MPHOSPH9: variants seen among roughly 807,000 people sequenced by gnomAD.
MPHOSPH9 encodes the protein M-phase phosphoprotein 9.
A neutral mutation model predicts 145.5 loss-of-function variants in MPHOSPH9; 88 were observed. The ratio of observed to expected loss-of-function variants is 0.60; its 90% CI spans 0.51 to 0.72. The LOEUF (loss-of-function observed/expected upper bound fraction) is 0.72. MPHOSPH9 is among the 30% of genes least tolerant of loss of function. The probability of loss-of-function intolerance (pLI) is 0.00; values close to 1 mark genes in which losing one functional copy is unlikely to be tolerated. For missense variants in MPHOSPH9, 1,238 were observed against 1,386.6 expected, an observed-to-expected ratio of 0.89 and a Z score of 1.70; for synonymous variants, 435 against 486.2, an observed-to-expected ratio of 0.89 and a Z score of 1.39.
At chr12:123,232,043 C>T (rs906198419) in intron 1 of MPHOSPH9, among the ~76,000 whole-genome samples, 1 of 150,984 alleles carries the variant, frequency 6.6e-6, no homozygotes, top group African/African-American at 2.4e-5. Context: ...GGTAACCGGA[C>T]CTAACTAAAT....
intron 3 of MPHOSPH9, 94 bp from the exon 4 acceptor site, chr12:123,223,221 C>A: frequency 1.4e-6 from 1 of 714,322 alleles, no homozygotes; most frequent in South Asian, 3.4e-5. Flanking sequence ...CTTTTTAGGT[C>A]ATGATCCATC....
chr12:123,166,716 G>A lies in MPHOSPH9; in HGVS notation c.2530C>T (p.Gln844Ter). 1 of 1,614,080 alleles carries A rather than the reference G, an allele frequency of 6.2e-7. No homozygotes were observed. The highest frequency in any genetic ancestry group is 8.5e-7 in the Non-Finnish European group (1 of 1,180,020). Reference sequence around the variant, plus strand: ...TTACTGTCCTGGGTGTCCAGAGGCTGGCCAGTAAAGATGGAATACTCTGCA... The same window carrying A: ...TTACTGTCCTGGGTGTCCAGAGGCTAGCCAGTAAAGATGGAATACTCTGCA... ...PGAEYSIFTG[Q>*]PLDTQDSNVD... is the part of the protein sequence containing the mutation. The change falls in exon 17 of 24, where the codon CAG (glutamine) becomes TAG (stop). Residue 844 changes from glutamine to a stop codon, truncating the protein, a stop_gained. Transcript: ENST00000606320. LOFTEE classifies it high-confidence loss of function.
In MPHOSPH9 at chr12:123,230,334, G is replaced by GT. The variant is rs2047592756; in HGVS notation, c.30dup (p.His11ThrfsTer10). 1 of 1,533,424 alleles carries GT rather than the reference G, an allele frequency of 6.5e-7. No individual in the cohort carries two copies. The highest frequency in any genetic ancestry group is 1.2e-5 in the South Asian group (1 of 83,912). 95.0% of individuals were successfully genotyped at this position (1,533,424 alleles called of 1,614,324 possible). A position where few individuals can be genotyped will look rare whatever the true frequency, so the allele number is the denominator to read the frequency against. On this transcript the variant is annotated frameshift_variant, in exon 2 of 24. Coordinates refer to ENST00000606320, the MANE Select transcript of MPHOSPH9 (RefSeq NM_022782.4). LOFTEE classifies it high-confidence loss of function. The stretch of plus-strand genomic sequence containing the variant: ...GATCCTACAGAAGATGAAGTTTTGT[G>GT]TAAGGTTTTCACCAAGTCAAACTCT...
In MPHOSPH9 at chr12:123,166,163, T is replaced by C. The variant is rs527618613; in HGVS notation, c.2591+492A>G. On this transcript the variant is annotated intron_variant, in intron 17 of 23. Coordinates refer to ENST00000606320, the MANE Select transcript of MPHOSPH9 (RefSeq NM_022782.4). ...CTCTGTCACCCAGGCTGGAGTGCAG[T>C]GGCACAATCATAGCTCACTGTAGCC... Among the ~76,000 whole-genome samples the C allele has an allele frequency of 3.5e-3, 540 of 152,262 alleles. 1 individual carries two copies. The highest frequency in any genetic ancestry group is 6.2e-3 in the Non-Finnish European group (424 of 68,004).
At chr12:123,169,982 CT>C (rs1251368308) in intron 16 of MPHOSPH9, among the ~76,000 whole-genome samples, 3,109 of 140,652 alleles carry the variant, frequency 0.022, 71 homozygotes, top group African/African-American at 0.066. Context: ...TTTTAAATGT[CT>C]TTTTTTTTTT....
intron 7 of MPHOSPH9, among the ~76,000 whole-genome samples, chr12:123,211,996 A>G (rs901695855): frequency 6.6e-6 from 1 of 152,146 alleles, no homozygotes; most frequent in African/African-American, 2.4e-5. Flanking sequence ...CGCCCAGCTG[A>G]CAATTTCTTT....
chr12:123,192,583 C>T (rs893116612), intron 13 of MPHOSPH9, among the ~76,000 whole-genome samples: 7 of 120,568 alleles, frequency 5.8e-5, no homozygotes, highest in African/African-American at 1.6e-4. Flanking sequence ...AAGCTGTGAT[C>T]GCACCACTGC....
chr12:123,236,361 A>G (rs1452919186), upstream of MPHOSPH9, among the ~76,000 whole-genome samples: 1 of 152,110 alleles, frequency 6.6e-6, no homozygotes, highest in Non-Finnish European at 1.5e-5. Context: ...TGGGAGGCTG[A>G]GGCAGGAGGA....
rs533949368 is a variant in MPHOSPH9, at chr12:123,188,796, C to T, written c.2241+5590G>A. Among the ~76,000 whole-genome samples the T allele has an allele frequency of 4.6e-5, 7 of 152,208 alleles. No homozygotes were observed. The East Asian group carries it at 1.4e-3, about 29-fold the overall frequency. Reference sequence around the variant, plus strand: ...CTGGGAGGCAGAGGTTGCAGTGAGCCGAGATAGCGCCACTGCACTCCTGCC... The same window carrying T: ...CTGGGAGGCAGAGGTTGCAGTGAGCTGAGATAGCGCCACTGCACTCCTGCC... On this transcript the variant is annotated intron_variant, in intron 13 of 23. Coordinates refer to ENST00000606320, the MANE Select transcript of MPHOSPH9 (RefSeq NM_022782.4).
chr12:123,162,943 A>G, intron 20 of MPHOSPH9, 71 bp downstream of exon 20: 1 of 1,398,032 alleles, frequency 7.2e-7, no homozygotes, highest in Non-Finnish European at 9.5e-7. Flanking sequence ...TGATAGCTAG[A>G]GACATAAGTC....
At chr12:123,179,655 A>G (rs548977180) in intron 15 of MPHOSPH9, among the ~76,000 whole-genome samples, 1 of 151,616 alleles carries the variant, frequency 6.6e-6, no homozygotes, top group East Asian at 1.9e-4. Context: ...CAAGGCAGGA[A>G]GACTGCTTGA....
At chr12:123,197,494 A>G (rs907089134) in intron 12 of MPHOSPH9, among the ~76,000 whole-genome samples, 11 of 152,040 alleles carry the variant, frequency 7.2e-5, no homozygotes, top group African/African-American at 2.7e-4. Flanking sequence ...TTAAAAGGGT[A>G]AAGTTTAGGC....
upstream of MPHOSPH9, among the ~76,000 whole-genome samples, chr12:123,235,051 G>A (rs1229607344): frequency 6.6e-6 from 1 of 152,204 alleles, no homozygotes; most frequent in African/African-American, 2.4e-5. Context: ...GAAATAATCA[G>A]TTCCCAGACT....
chr12:123,177,219 G>C (rs1229147653), intron 15 of MPHOSPH9, among the ~76,000 whole-genome samples: 1 of 151,478 alleles, frequency 6.6e-6, no homozygotes, highest in Non-Finnish European at 1.5e-5. Flanking sequence ...ATTTTTCATA[G>C]TAAAACATCA....
At chr12:123,165,531 GCCC>G in intron 17 of MPHOSPH9, 54 bp from the exon 18 acceptor site, 1 of 1,455,376 alleles carries the variant, frequency 6.9e-7, no homozygotes, top group Non-Finnish European at 9.5e-7. Context: ...TCTGTATCTT[GCCC>G]CCCGCCCCCA....
In MPHOSPH9 at chr12:123,154,290, C is replaced by T. The variant is rs2043821234; in HGVS notation, c.*2517G>A. 6.6e-6 allele frequency: 1 copy of T among 151,178 alleles called. No individual in the cohort carries two copies. The highest frequency in any genetic ancestry group is 2.1e-4 in the South Asian group (1 of 4,810). 9.4% of individuals were successfully genotyped at this position (151,178 alleles called of 1,614,324 possible). On this transcript the variant is annotated 3_prime_UTR_variant, in exon 24 of 24. Coordinates refer to ENST00000606320, the MANE Select transcript of MPHOSPH9 (RefSeq NM_022782.4). ...AAGCCAACAACAAAAATAGTTTATA[C>T]CCGGGGATAATAGCTGCTATTTAGA...
At chr12:123,234,395 G>T (rs1241890224), upstream of MPHOSPH9, among the ~76,000 whole-genome samples, 2 of 150,088 alleles carry the variant, frequency 1.3e-5, no homozygotes, top group Non-Finnish European at 3.0e-5. Context: ...TTTTATTTTT[G>T]TGGGGGAGGG....
At chr12:123,168,224 C>T (rs948412276) in intron 16 of MPHOSPH9, among the ~76,000 whole-genome samples, 1 of 152,166 alleles carries the variant, frequency 6.6e-6, no homozygotes, top group African/African-American at 2.4e-5. Flanking sequence ...AAAGGCCGCG[C>T]TTCAGGTCTC....
At chr12:123,187,768 C>G (rs2045509914) in intron 13 of MPHOSPH9, among the ~76,000 whole-genome samples, 4 of 152,118 alleles carry the variant, frequency 2.6e-5, no homozygotes, top group Admixed American at 2.6e-4. Context: ...TCTGGGACAA[C>G]TGGTTAATCA....
Sources: gnomAD v4.1 joint callset for allele counts (sites outside exome capture counted in the v4.1 genomes callset) on GRCh38, gnomAD v4.1.1 for gene constraint, MANE v1.5 for transcripts, NCBI Gene and HGNC (gene_info 2026-07-23, HGNC 2026-07-21) for gene names.